The following PSTPIP2 variants were observed in gnomAD, a reference collection of about 807,000 sequenced individuals.
PSTPIP2 encodes the protein proline-serine-threonine phosphatase interacting protein 2.
Under a neutral mutation model 63.3 loss-of-function variants are expected in PSTPIP2, and 33 were observed. The observed-to-expected ratio is 0.52, with a 90% CI of 0.40 to 0.70. The LOEUF (loss-of-function observed/expected upper bound fraction) is 0.70. Among genes scored for constraint, PSTPIP2 ranks in the 30% least tolerant of loss-of-function variants. The pLI is 0.00. For synonymous variants in PSTPIP2, 125 were observed against 132.7 expected (o/e 0.94, Z 0.40); for missense variants, 312 against 400.7 (o/e 0.78, Z 1.89).
rs532719013 is a variant in PSTPIP2 at position 46,014,377 on chromosome 18, A to G, written c.247+1526T>C. ...GACCCTGGGAAGAAAAGAATAAATA[A>G]ATAAGAATTCTTAAGGAAGAAACAG... On this transcript the variant is annotated intron_variant, in intron 4 of 14. Transcript: ENST00000409746. 1.1e-4 allele frequency among the ~76,000 whole-genome samples: 17 copies of G among 152,194 alleles called. No individual in the cohort carries two copies. The South Asian group carries it at 3.3e-3, about 30-fold the overall frequency.
chr18:46,027,658 C>A (rs1451336197), intron 2 of PSTPIP2, among the ~76,000 whole-genome samples: 1 of 151,620 alleles, frequency 6.6e-6, no homozygotes, highest in Non-Finnish European at 1.5e-5. Context: ...CCACTGCACT[C>A]CAGCATGGAT....
At chr18:46,049,007 C>CGTGT (rs1568228961) in intron 1 of PSTPIP2, among the ~76,000 whole-genome samples, 6 of 93,320 alleles carry the variant, frequency 6.4e-5, no homozygotes, top group Non-Finnish European at 4.2e-5. Flanking sequence ...AGAAAAAAAG[C>CGTGT]ATGTGTGTGT....
At chr18:46,000,815 A>G (rs554366315) in intron 6 of PSTPIP2, among the ~76,000 whole-genome samples, 1 of 152,370 alleles carries the variant, frequency 6.6e-6, no homozygotes, top group East Asian at 1.9e-4. Context: ...TTCTGTTTCA[A>G]CTGTGAAAGC....
chr18:46,036,510 T>C (rs912198206), intron 2 of PSTPIP2, among the ~76,000 whole-genome samples: 2 of 152,154 alleles, frequency 1.3e-5, no homozygotes, highest in Admixed American at 6.6e-5. Flanking sequence ...CTAGCTACCC[T>C]CTGAGCTAAC....
chr18:46,035,766 C>T (rs1269196741), intron 2 of PSTPIP2, among the ~76,000 whole-genome samples: 1 of 152,086 alleles, frequency 6.6e-6, no homozygotes, highest in Non-Finnish European at 1.5e-5. Flanking sequence ...GTATGAGACC[C>T]CCATCCTCAC....
chr18:46,041,027 C>G, intron 1 of PSTPIP2: 1 of 459,042 alleles, frequency 2.2e-6, no homozygotes, highest in Non-Finnish European at 4.4e-6. Context: ...TGTCCTTAAA[C>G]TTGCCACTGA....
At chr18:46,068,755 AC>A (rs1457295389) in intron 1 of PSTPIP2, among the ~76,000 whole-genome samples, 3 of 152,172 alleles carry the variant, frequency 2.0e-5, no homozygotes, top group Admixed American at 6.5e-5. Context: ...GAATTTTGGT[AC>A]CTGCATGGGA....
At chr18:45,986,049 T>A (rs2051463616) in intron 14 of PSTPIP2, among the ~76,000 whole-genome samples, 1 of 152,178 alleles carries the variant, frequency 6.6e-6, no homozygotes, top group Non-Finnish European at 1.5e-5. Context: ...AGTGCTAGAA[T>A]TACAGGCATG....
chr18:45,988,692 A>G lies in PSTPIP2; in HGVS notation c.*8+10T>C. The G allele has an allele frequency of 6.5e-7, 1 of 1,532,184 alleles. No individual in the cohort carries two copies. Among genetic ancestry groups the G allele is most frequent in the South Asian group, 1.1e-5 (1 of 89,340 alleles). The allele number at this position is 1,532,184 out of a possible 1,614,324, so 94.9% of individuals were successfully genotyped here. A position where few individuals can be genotyped will look rare whatever the true frequency, so the allele number is the denominator to read the frequency against. On this transcript the variant is annotated intron_variant, in intron 14 of 14. Transcript: ENST00000409746. ...CATGACTCAATTATGTGAAAAATAA[A>G]GGTTCTTACCATTGATTTTACTGAT...
At chr18:46,033,758 G>C (rs567628932) in intron 2 of PSTPIP2, among the ~76,000 whole-genome samples, 2 of 150,822 alleles carry the variant, frequency 1.3e-5, no homozygotes, top group South Asian at 4.2e-4. Context: ...CAGGATGATA[G>C]AGGAAGAGAT....
chr18:45,988,136 G>A (rs2051486247), intron 14 of PSTPIP2, among the ~76,000 whole-genome samples: 1 of 152,070 alleles, frequency 6.6e-6, no homozygotes, highest in South Asian at 2.1e-4. Flanking sequence ...AGCTTAATAA[G>A]AGCAGATAAA....
intron 2 of PSTPIP2, among the ~76,000 whole-genome samples, chr18:46,036,811 A>G (rs554979868): frequency 1.2e-4 from 18 of 152,282 alleles, no homozygotes; most frequent in Middle Eastern, 3.4e-3. Flanking sequence ...GAAGTATAGC[A>G]TCTCCCTCTT....
At chr18:46,027,005 G>A (rs561505500) in intron 2 of PSTPIP2, among the ~76,000 whole-genome samples, 1 of 151,884 alleles carries the variant, frequency 6.6e-6, no homozygotes, top group Non-Finnish European at 1.5e-5. Context: ...TAAAGAATAA[G>A]ACCATATGGC....
intron 6 of PSTPIP2, among the ~76,000 whole-genome samples, chr18:46,004,629 A>G (rs2051705113): frequency 6.6e-6 from 1 of 152,232 alleles, no homozygotes. Flanking sequence ...ATCTTTGCCT[A>G]AAATATTTGA....
chr18:45,999,587 G>T, intron 6 of PSTPIP2, 53 bp from the exon 7 acceptor site: 1 of 1,588,366 alleles, frequency 6.3e-7, no homozygotes, highest in Non-Finnish European at 8.6e-7. Context: ...GTGTAACCAT[G>T]AAATGCAGCC....
At chr18:46,028,797 A>C in intron 2 of PSTPIP2, 3 of 1,353,232 alleles carry the variant, frequency 2.2e-6, no homozygotes, top group Non-Finnish European at 2.1e-6. Context: ...CTGCCTGGGC[A>C]GAGACTAATA....
intron 6 of PSTPIP2, among the ~76,000 whole-genome samples, chr18:46,004,308 C>T (rs1043602228): frequency 4.6e-5 from 7 of 152,234 alleles, no homozygotes; most frequent in African/African-American, 1.4e-4. Flanking sequence ...ACATCCTACT[C>T]GTAGAATATC....
At chr18:46,002,349 T>G (rs2051676734) in intron 6 of PSTPIP2, among the ~76,000 whole-genome samples, 1 of 152,186 alleles carries the variant, frequency 6.6e-6, no homozygotes, top group Non-Finnish European at 1.5e-5. Flanking sequence ...TCCTCACCTT[T>G]TAGTATCACA....
intron 2 of PSTPIP2, among the ~76,000 whole-genome samples, chr18:46,038,567 C>G (rs921631867): frequency 6.6e-6 from 1 of 152,176 alleles, no homozygotes; most frequent in Non-Finnish European, 1.5e-5. Context: ...TGTCCTAGCA[C>G]TGTTGAAGGA....
Sources: allele counts gnomAD v4.1 joint callset (sites outside exome capture counted in the v4.1 genomes callset), GRCh38; gene constraint gnomAD v4.1.1; transcripts MANE v1.5; gene names NCBI Gene and HGNC (gene_info 2026-07-23, HGNC 2026-07-21).